Variants in RPS12 observed in about 807,000 individuals in gnomAD.
RPS12 encodes ribosomal protein S12, also known as small ribosomal subunit protein eS12.
A neutral mutation model predicts 17.2 loss-of-function variants in RPS12; 1 was observed. The ratio of observed to expected loss-of-function variants is 0.06; its 90% CI spans 0.02 to 0.28. The LOEUF is 0.28. Among genes scored for constraint, RPS12 ranks in the 10% least tolerant of loss-of-function variants. The probability of loss-of-function intolerance (pLI) is 1.00; values close to 1 mark genes in which losing one functional copy is unlikely to be tolerated. For missense variants in RPS12, 146 were observed against 162.1 expected (o/e 0.90, Z 0.54); for synonymous variants, 67 against 54.0 (o/e 1.24, Z -1.06).
chr6:132,814,642 T>A, intron 1 of RPS12, 29 bp downstream of exon 1: 1 of 1,112,772 alleles, frequency 9.0e-7, no homozygotes, highest in Non-Finnish European at 1.4e-6. Flanking sequence ...CAGGGGGGTG[T>A]ATTGGTTATA....
chr6:132,815,146 A>G, intron 3 of RPS12, 58 bp downstream of exon 3: 1 of 1,058,298 alleles, frequency 9.4e-7, no homozygotes, highest in Non-Finnish European at 1.5e-6. Context: ...ACTGCCACCC[A>G]AGGGAAGAAG....
chr6:132,814,587 C>T lies in RPS12; in HGVS notation c.-64C>T. On this transcript the variant is annotated 5_prime_UTR_variant, in exon 1 of 6. Coordinates refer to ENST00000230050, the MANE Select transcript of RPS12 (RefSeq NM_001016.4). ...ATGAGGCCTCTTTCCCTGCCGCCGCCGAGTCGCGCGGAGGCGGAGGCTTGG... is the reference window on the plus strand; with the variant it reads ...ATGAGGCCTCTTTCCCTGCCGCCGCTGAGTCGCGCGGAGGCGGAGGCTTGG... 1 of 784,142 alleles carries T rather than the reference C, an allele frequency of 1.3e-6. No homozygotes were observed. Among genetic ancestry groups the T allele is most frequent in the South Asian group, 1.4e-5 (1 of 69,284 alleles). 48.6% of individuals were successfully genotyped at this position (784,142 alleles called of 1,614,324 possible). A position where few individuals can be genotyped will look rare whatever the true frequency, so the allele number is the denominator to read the frequency against.
chr6:132,816,613 T>C (rs1782067409), intron 4 of RPS12, 50 bp downstream of exon 4: 1 of 1,221,234 alleles, frequency 8.2e-7, no homozygotes, highest in Middle Eastern at 1.9e-4. Context: ...GATGCTTGTA[T>C]ATGGGGGTAA....
intron 3 of RPS12, 147 bp from the exon 4 acceptor site, chr6:132,816,314 C>G (rs1782061100): frequency 3.2e-6 from 2 of 627,566 alleles, no homozygotes; most frequent in Non-Finnish European, 5.7e-6. Flanking sequence ...TCTTCAGACT[C>G]AAGCAATTTT....
intron 3 of RPS12, among the ~76,000 whole-genome samples, chr6:132,816,254 C>T (rs1782059487): frequency 1.3e-5 from 2 of 152,174 alleles, no homozygotes; most frequent in Non-Finnish European, 2.9e-5. Context: ...AGAGGTTTTA[C>T]TGAAGACCAG....
In RPS12 at chr6:132,815,005, T is replaced by C. The variant is rs865945956; in HGVS notation, c.48T>C (p.Thr16=). The C allele has an allele frequency of 1.9e-6, 3 of 1,613,650 alleles. No homozygotes were observed. Among genetic ancestry groups the C allele is most frequent in the African/African-American group, 2.7e-5 (2 of 75,050 alleles). ...CTGGAGGTGTAATGGACGTTAATAC[T>C]GCTTTACAAGAGGTTCTGAAGACTG... is the stretch of plus-strand genomic sequence containing the variant. ...IAAGGVMDVN[T]ALQEVLKTAL... The change falls in exon 3 of 6, where the codon ACT becomes ACC. Residue 16 remains threonine, a synonymous_variant. Coordinates refer to ENST00000230050, the MANE Select transcript of RPS12 (RefSeq NM_001016.4).
intron 3 of RPS12, chr6:132,815,425 G>C: frequency 1.9e-6 from 1 of 522,322 alleles, no homozygotes; most frequent in Non-Finnish European, 3.8e-6. Context: ...CTGGCAGATA[G>C]ATGAGATGGA....
intron 1 of RPS12, 24 bp from the exon 2 acceptor site, chr6:132,814,708 C>G: frequency 6.3e-7 from 1 of 1,591,880 alleles, no homozygotes; most frequent in Non-Finnish European, 8.6e-7. Flanking sequence ...GGTTCTTTAA[C>G]AAGTCAATGC....
At chr6:132,816,734 G>A (rs968852201) in intron 4 of RPS12, 171 bp downstream of exon 4, 7 of 769,046 alleles carry the variant, frequency 9.1e-6, no homozygotes, top group African/African-American at 1.7e-5. Flanking sequence ...TATACCTGCA[G>A]AATTGAATCC....
At chr6:132,815,177 G>T in intron 3 of RPS12, 89 bp downstream of exon 3, 1 of 868,486 alleles carries the variant, frequency 1.2e-6, no homozygotes, top group South Asian at 1.4e-5. Context: ...CATGGTGTTA[G>T]CGCAAAAGTT....
At chr6:132,814,637 G>T in intron 1 of RPS12, 24 bp downstream of exon 1, 1 of 1,075,566 alleles carries the variant, frequency 9.3e-7, no homozygotes, top group South Asian at 1.3e-5. Flanking sequence ...GGCGGCAGGG[G>T]GGTGTATTGG....
At chr6:132,816,057 C>G in intron 3 of RPS12, 1 of 383,010 alleles carries the variant, frequency 2.6e-6, no homozygotes, top group Non-Finnish European at 5.2e-6. Context: ...TGGTCTGGTA[C>G]TCCTGACCTC....
At chr6:132,817,136 G>C (rs944137472) in intron 5 of RPS12, 75 bp downstream of exon 5, 25 of 980,336 alleles carry the variant, frequency 2.6e-5, no homozygotes, top group Middle Eastern at 2.5e-4. Flanking sequence ...AATAAGTTGA[G>C]GATCTTATAA....
At chr6:132,815,883 C>T (rs1409185019) in intron 3 of RPS12, 1 of 446,030 alleles carries the variant, frequency 2.2e-6, no homozygotes, top group South Asian at 1.6e-5. Context: ...TGCTCTGTCC[C>T]CCAGGCTGGA....
intron 1 of RPS12, 50 bp downstream of exon 1, chr6:132,814,663 C>G (rs990969926): frequency 6.2e-6 from 8 of 1,297,400 alleles, no homozygotes; most frequent in Admixed American, 5.1e-5. Context: ...ATTTGTGGCT[C>G]GTTGCGTTCT....
chr6:132,815,152 A>G, intron 3 of RPS12, 64 bp downstream of exon 3: 2 of 1,040,280 alleles, frequency 1.9e-6, no homozygotes, highest in Non-Finnish European at 3.0e-6. Context: ...ACCCAAGGGA[A>G]GAAGGCATGG....
Position 132,815,080 on chromosome 6 carries a change from C to G in RPS12, c.123C>G (p.Ala41=). ...GTGGAATTCGCGAAGCTGCCAAAGCCTTAGACAAGTACGTGTATCAGTCTC... is the reference window on the plus strand; with the variant it reads ...GTGGAATTCGCGAAGCTGCCAAAGCGTTAGACAAGTACGTGTATCAGTCTC... ...LARGIREAAK[A]LDKRQAHLCV... Residue 41 remains alanine (A), a synonymous_variant, in exon 3 of 6, where the codon GCC becomes GCG. Coordinates refer to ENST00000230050, the MANE Select transcript of RPS12 (RefSeq NM_001016.4). The G allele has an allele frequency of 6.2e-7, 1 of 1,604,914 alleles. No homozygotes were observed. Among genetic ancestry groups the G allele is most frequent in the Non-Finnish European group, 8.5e-7 (1 of 1,171,604 alleles).
At chr6:132,815,162 G>A in intron 3 of RPS12, 74 bp downstream of exon 3, 1 of 967,314 alleles carries the variant, frequency 1.0e-6, no homozygotes, top group South Asian at 1.3e-5. Flanking sequence ...AGAAGGCATG[G>A]AGTTCATGGT....
rs138675442 is a variant in RPS12 at position 132,815,408 on chromosome 6, T to C, written c.131+320T>C. On this transcript the variant is annotated intron_variant, in intron 3 of 5. Transcript: ENST00000230050. Reference sequence around the variant, plus strand: ...TAGGTTGTGGAGCTAGTCAGTCTTATACTTATCTGGCAGATAGATGAGATG... The same window carrying C: ...TAGGTTGTGGAGCTAGTCAGTCTTACACTTATCTGGCAGATAGATGAGATG... The C allele has an allele frequency of 1.6e-5, 9 of 548,614 alleles. No homozygotes were observed. In the East Asian group the frequency reaches 2.8e-4, roughly 17 times the overall value. 34.0% of individuals were successfully genotyped at this position (548,614 alleles called of 1,614,324 possible).
Sources: allele counts gnomAD v4.1 joint callset (sites outside exome capture counted in the v4.1 genomes callset), GRCh38; gene constraint gnomAD v4.1.1; transcripts MANE v1.5; gene names NCBI Gene and HGNC (gene_info 2026-07-23, HGNC 2026-07-21).